Variants in HK2 observed in about 807,000 individuals in gnomAD.
The protein encoded by HK2 is hexokinase-2.
A neutral mutation model predicts 92.9 loss-of-function variants in HK2; 42 were observed. That is an observed-to-expected ratio of 0.45 (90% CI 0.35 to 0.58). HK2 has a LOEUF of 0.58. Ranked by LOEUF, HK2 falls within the 20% of genes least tolerant of loss-of-function variation. HK2 has a pLI of 0.00. For missense variants in HK2, 978 were observed against 1,245.1 expected (o/e 0.79, Z 3.23); for synonymous variants, 422 against 468.0 (o/e 0.90, Z 1.27).
At chr2:74,865,527 C>G (rs2103928011) in intron 2 of HK2, among the ~76,000 whole-genome samples, 1 of 152,128 alleles carries the variant, frequency 6.6e-6, no homozygotes, top group Admixed American at 6.5e-5. Flanking sequence ...CGTTGTGTTT[C>G]CTAGAATTTG....
rs748317882 is a variant in HK2 at position 74,874,313 on chromosome 2, A to G, written c.739A>G (p.Met247Val). Reference sequence around the variant, plus strand: ...CATGGAAGAGATGCGCCACATCGACATGGTGGAAGGCGATGAGGGGCGGAT... The same window carrying G: ...CATGGAAGAGATGCGCCACATCGACGTGGTGGAAGGCGATGAGGGGCGGAT... ...CYMEEMRHID[M>V]VEGDEGRMCI... Residue 247 changes from methionine (M) to valine (V), a missense_variant, in exon 7 of 18, where the codon ATG becomes GTG. Physicochemically the swap from Met to Val is conservative, Grantham distance 21. Transcript: ENST00000290573. 13 of 1,614,142 alleles carry G rather than the reference A, an allele frequency of 8.1e-6. 1 individual carries two copies. In the South Asian group the frequency reaches 1.4e-4, roughly 18 times the overall value.
chr2:74,856,407 G>A (rs541719523), intron 2 of HK2, among the ~76,000 whole-genome samples: 85 of 152,188 alleles, frequency 5.6e-4, no homozygotes, highest in South Asian at 2.5e-3. Flanking sequence ...AGAGCCCCTC[G>A]AGGTGAGGGG....
At position 74,891,056 on chromosome 2, in the gene HK2, G is replaced by A. The variant is rs1401613908; in HGVS notation, c.*115G>A. The A allele has an allele frequency of 8.3e-7, 1 of 1,211,172 alleles. No individual in the cohort carries two copies. Among genetic ancestry groups the A allele is most frequent in the Non-Finnish European group, 1.2e-6 (1 of 852,482 alleles). 75.0% of individuals were successfully genotyped at this position (1,211,172 alleles called of 1,614,324 possible). On this transcript the variant is annotated 3_prime_UTR_variant, in exon 18 of 18. Coordinates refer to ENST00000290573, the MANE Select transcript of HK2 (RefSeq NM_000189.5). The stretch of plus-strand genomic sequence containing the variant: ...CCCTTGGCTTTTGCTTGGCAGAGAG[G>A]ACCCCACTGGACTGGGTTTTGTCTC...
chr2:74,868,563 T>TC (rs1689018160), intron 3 of HK2, among the ~76,000 whole-genome samples: 2 of 152,184 alleles, frequency 1.3e-5, no homozygotes. Flanking sequence ...CTAGTACTCT[T>TC]CGTGTTTTTT....
chr2:74,883,208 A>G (rs1001149495), intron 12 of HK2, among the ~76,000 whole-genome samples: 1 of 152,148 alleles, frequency 6.6e-6, no homozygotes, highest in East Asian at 1.9e-4. Context: ...TGCCACTGCT[A>G]GGTATAAAAG....
intron 1 of HK2, among the ~76,000 whole-genome samples, chr2:74,842,998 T>A (rs1688352230): frequency 2.0e-5 from 3 of 152,178 alleles, no homozygotes; most frequent in Admixed American, 2.0e-4. Flanking sequence ...GATTTCATAT[T>A]CTTCTGCTGT....
intron 1 of HK2, among the ~76,000 whole-genome samples, chr2:74,841,045 C>T (rs1688303849): frequency 6.6e-6 from 1 of 152,078 alleles, no homozygotes; most frequent in Non-Finnish European, 1.5e-5. Flanking sequence ...TTTTCTCAGC[C>T]TTGGTGCTAT....
chr2:74,879,886 G>A (rs775370897), intron 9 of HK2, among the ~76,000 whole-genome samples: 11 of 152,212 alleles, frequency 7.2e-5, no homozygotes, highest in Non-Finnish European at 1.0e-4. Context: ...CAGATAGGTG[G>A]CATCAGAACC....
At position 74,854,425 on chromosome 2, in the gene HK2, A is replaced by G. The variant is rs773421826; in HGVS notation, c.196A>G (p.Thr66Ala). Residue 66 changes from threonine (T) to alanine (A), a missense_variant, in exon 2 of 18, where the codon ACC (threonine) becomes GCC (alanine). Physicochemically the swap from Thr to Ala is moderately conservative, Grantham distance 58 (BLOSUM62 0). Coordinates refer to ENST00000290573, the MANE Select transcript of HK2 (RefSeq NM_000189.5). ...HPTAAVKMLPTFVRSTPDGTE... is the reference protein window; with the variant it reads ...HPTAAVKMLPAFVRSTPDGTE... The stretch of plus-strand genomic sequence containing the variant: ...TACTGCAGCAGTGAAGATGCTGCCC[A>G]CCTTTGTGAGGTCCACTCCAGATGG... The G allele has an allele frequency of 1.2e-5, 19 of 1,614,210 alleles. No individual in the cohort carries two copies. In the African/African-American group the frequency reaches 2.1e-4, roughly 18 times the overall value.
chr2:74,870,390 T>C (rs1689068476), intron 3 of HK2, among the ~76,000 whole-genome samples: 1 of 152,144 alleles, frequency 6.6e-6, no homozygotes, highest in Admixed American at 6.5e-5. Context: ...TTAATGCTTC[T>C]TCACGGTCTA....
At position 74,889,502 on chromosome 2, in the gene HK2, C is replaced by G. The variant is rs147188957; in HGVS notation, c.2609+24C>G. 61 of 1,390,306 alleles carry G rather than the reference C, an allele frequency of 4.4e-5. No individual in the cohort carries two copies. In the Middle Eastern group the frequency reaches 1.4e-3, roughly 32 times the overall value. 86.1% of individuals were successfully genotyped at this position (1,390,306 alleles called of 1,614,324 possible). ...CAGTGAGTGCCTGATCCCAGCCCCC[C>G]CTGCCTACCTTCTTTCTGTCTTTGT... On this transcript the variant is annotated intron_variant, in intron 17 of 17. Transcript: ENST00000290573.
chr2:74,836,348 ATC>A (rs912828384), intron 1 of HK2, among the ~76,000 whole-genome samples: 7 of 152,222 alleles, frequency 4.6e-5, no homozygotes, highest in African/African-American at 1.7e-4. Context: ...AATGGGGGTC[ATC>A]TCTCTTCCCC....
chr2:74,880,088 T>G (rs1689343500), intron 9 of HK2, among the ~76,000 whole-genome samples, 177 bp from the exon 10 acceptor site: 1 of 152,180 alleles, frequency 6.6e-6, no homozygotes, highest in South Asian at 2.1e-4. Flanking sequence ...TCATAGTTGA[T>G]ATGGTTCTTG....
chr2:74,853,609 T>C (rs1033669054), intron 1 of HK2, among the ~76,000 whole-genome samples: 6 of 151,492 alleles, frequency 4.0e-5, no homozygotes, highest in African/African-American at 1.2e-4. Flanking sequence ...TCCCAGCTGC[T>C]CAGGAGGCTG....
intron 7 of HK2, among the ~76,000 whole-genome samples, chr2:74,875,599 GATT>G: frequency 6.6e-6 from 1 of 152,110 alleles, no homozygotes; most frequent in East Asian, 1.9e-4. Context: ...AAAGTGCTGG[GATT>G]ACAGGCGTGA....
At position 74,880,382 on chromosome 2, in the gene HK2, C is replaced by T; in HGVS notation, c.1383C>T (p.Tyr461=). 1 of 1,614,150 alleles carries T rather than the reference C, an allele frequency of 6.2e-7. No individual in the cohort carries two copies. The highest frequency in any genetic ancestry group is 8.5e-7 in the Non-Finnish European group (1 of 1,180,034). ...CAGCCATGGTGACAGCAGTGGCTTACCGGCTGGCCGATCAACACCGTGCCC... is the reference window on the plus strand; with the variant it reads ...CAGCCATGGTGACAGCAGTGGCTTATCGGCTGGCCGATCAACACCGTGCCC... ...KGAAMVTAVA[Y]RLADQHRARQ... The change falls in exon 10 of 18, where the codon TAC becomes TAT. Residue 461 remains tyrosine, a synonymous_variant. Transcript: ENST00000290573.
At chr2:74,846,715 C>T (rs1416192951) in intron 1 of HK2, among the ~76,000 whole-genome samples, 1 of 152,172 alleles carries the variant, frequency 6.6e-6, no homozygotes, top group Non-Finnish European at 1.5e-5. Flanking sequence ...AGTGCAGCAG[C>T]GTGATCATGG....
chr2:74,864,758 T>A (rs1431994892), intron 2 of HK2, among the ~76,000 whole-genome samples: 1 of 152,208 alleles, frequency 6.6e-6, no homozygotes, highest in African/African-American at 2.4e-5. Flanking sequence ...CTGCCCGCCT[T>A]GGCCTCCCAA....
chr2:74,882,767 G>C (rs1308338274), intron 12 of HK2, among the ~76,000 whole-genome samples: 1 of 151,722 alleles, frequency 6.6e-6, no homozygotes, highest in Non-Finnish European at 1.5e-5. Context: ...GAGGTGCTGG[G>C]TGTCTTGCTC....
Sources: gnomAD v4.1 joint callset for allele counts (sites outside exome capture counted in the v4.1 genomes callset) on GRCh38, gnomAD v4.1.1 for gene constraint, MANE v1.5 for transcripts, NCBI Gene and HGNC (gene_info 2026-07-23, HGNC 2026-07-21) for gene names.